ASB3: variants seen among roughly 807,000 people sequenced by gnomAD.
ASB3 encodes the protein ankyrin repeat and SOCS box protein 3.
In ASB3, 41 loss-of-function variants were observed where a neutral mutation model predicts 54.5. The ratio of observed to expected loss-of-function variants is 0.75; its 90% CI spans 0.59 to 0.98. ASB3 has a LOEUF of 0.98. ASB3 is among the 50% of genes least tolerant of loss of function. The probability of loss-of-function intolerance (pLI) is 0.00; values close to 1 mark genes in which losing one functional copy is unlikely to be tolerated. For synonymous variants in ASB3, 266 were observed against 221.2 expected (o/e 1.20, Z -1.80); for missense variants, 733 against 620.0 (o/e 1.18, Z -1.94).
In ASB3 at chr2:53,744,309, G is replaced by A. The variant is rs547127973; in HGVS notation, c.355+6474C>T. ...TGAGGCAGGAGAATGGCATGAACCC[G>A]GGACGCAGAGCTTGCAGTGAGCCGA... On this transcript the variant is annotated intron_variant, in intron 3 of 9. Coordinates refer to ENST00000263634, the MANE Select transcript of ASB3 (RefSeq NM_016115.5). 9.4e-5 allele frequency among the ~76,000 whole-genome samples: 14 copies of A among 149,718 alleles called. No individual in the cohort carries two copies. The East Asian group carries it at 1.8e-3, about 19-fold the overall frequency.
intron 1 of ASB3, among the ~76,000 whole-genome samples, chr2:53,778,016 G>A (rs999945328): frequency 6.6e-6 from 1 of 152,000 alleles, no homozygotes; most frequent in African/African-American, 2.4e-5. Flanking sequence ...AGGTGTGGTG[G>A]CGGGCACCTG....
At chr2:53,702,387 T>C (rs1031585320) in intron 7 of ASB3, among the ~76,000 whole-genome samples, 11 of 152,184 alleles carry the variant, frequency 7.2e-5, no homozygotes, top group African/African-American at 2.4e-4. Flanking sequence ...CAGGGCTCTA[T>C]ATGACCTTGA....
intron 9 of ASB3, among the ~76,000 whole-genome samples, chr2:53,681,481 C>T (rs551920588): frequency 6.6e-6 from 1 of 152,198 alleles, no homozygotes; most frequent in Non-Finnish European, 1.5e-5. Flanking sequence ...CCAATGTTTT[C>T]TTTTAGTAGT....
At chr2:53,677,902 T>A (rs550725171) in intron 9 of ASB3, among the ~76,000 whole-genome samples, 1 of 152,306 alleles carries the variant, frequency 6.6e-6, no homozygotes, top group South Asian at 2.1e-4. Context: ...AAAGTAAAGG[T>A]GAGACTATAT....
intron 5 of ASB3, among the ~76,000 whole-genome samples, chr2:53,717,512 T>C (rs1297594783): frequency 6.6e-6 from 1 of 151,868 alleles, no homozygotes; most frequent in Non-Finnish European, 1.5e-5. Context: ...AACAATAATA[T>C]TATAGTGAAA....
At chr2:53,782,127 T>C (rs958790270) in intron 1 of ASB3, among the ~76,000 whole-genome samples, 1 of 152,140 alleles carries the variant, frequency 6.6e-6, no homozygotes, top group Non-Finnish European at 1.5e-5. Flanking sequence ...CAGTGAGCAG[T>C]GATCATGCAA....
At chr2:53,675,026 A>G (rs1293562100) in intron 9 of ASB3, among the ~76,000 whole-genome samples, 1 of 152,154 alleles carries the variant, frequency 6.6e-6, no homozygotes, top group Non-Finnish European at 1.5e-5. Flanking sequence ...TAGCTGTGTG[A>G]CCCTGGGCAA....
intron 1 of ASB3, among the ~76,000 whole-genome samples, chr2:53,781,910 C>G (rs569304410): frequency 6.6e-6 from 1 of 152,174 alleles, no homozygotes; most frequent in Non-Finnish European, 1.5e-5. Context: ...CAACAGTATG[C>G]CTTGCCCAAT....
intron 1 of ASB3, among the ~76,000 whole-genome samples, chr2:53,780,932 T>C (rs1176883115): frequency 2.0e-5 from 3 of 152,224 alleles, no homozygotes; most frequent in African/African-American, 4.8e-5. Flanking sequence ...ACTAACTATA[T>C]GCTAGATTCT....
At chr2:53,707,972 A>AG (rs1669881274) in intron 7 of ASB3, among the ~76,000 whole-genome samples, 1 of 151,644 alleles carries the variant, frequency 6.6e-6, no homozygotes, top group Admixed American at 6.6e-5. Flanking sequence ...AAAAAAAAAA[A>AG]AAAAAGAAAG....
At chr2:53,714,641 C>T in intron 6 of ASB3, 60 bp from the exon 7 acceptor site, 2 of 1,551,068 alleles carry the variant, frequency 1.3e-6, no homozygotes, top group Non-Finnish European at 1.8e-6. Flanking sequence ...ATGTAGGCAA[C>T]ATTTCTATAG....
intron 2 of ASB3, among the ~76,000 whole-genome samples, chr2:53,758,266 G>A (rs542503575): frequency 6.6e-6 from 1 of 152,238 alleles, no homozygotes; most frequent in Admixed American, 6.5e-5. Context: ...GTAACCCACG[G>A]AAAAAGGCAC....
chr2:53,781,932 C>T (rs377001402), intron 1 of ASB3, among the ~76,000 whole-genome samples: 5 of 152,178 alleles, frequency 3.3e-5, no homozygotes, highest in Admixed American at 6.5e-5. Context: ...TTTTCAACAG[C>T]ATTGATTTAT....
chr2:53,735,247 T>C (rs1671557184), intron 3 of ASB3, among the ~76,000 whole-genome samples: 1 of 152,092 alleles, frequency 6.6e-6, no homozygotes, highest in Non-Finnish European at 1.5e-5. Context: ...AGTGAATTTG[T>C]TCAATTCTGA....
intron 1 of ASB3, among the ~76,000 whole-genome samples, chr2:53,783,869 G>C (rs1674789520): frequency 2.0e-5 from 3 of 152,026 alleles, no homozygotes; most frequent in African/African-American, 7.2e-5. Context: ...CTACAAGGTG[G>C]GAAAAAAATC....
At chr2:53,775,580 A>G (rs990723220) in intron 1 of ASB3, among the ~76,000 whole-genome samples, 1 of 152,282 alleles carries the variant, frequency 6.6e-6, no homozygotes, top group African/African-American at 2.4e-5. Flanking sequence ...GGTTCAAGGA[A>G]TTCTCCTGCC....
chr2:53,772,456 G>A (rs1573015185), intron 1 of ASB3, among the ~76,000 whole-genome samples: 1 of 152,048 alleles, frequency 6.6e-6, no homozygotes, highest in African/African-American at 2.4e-5. Context: ...TTACAGGCAT[G>A]AGCCACCGCG....
intron 5 of ASB3, among the ~76,000 whole-genome samples, chr2:53,724,950 A>C (rs1371184183): frequency 3.3e-5 from 5 of 152,318 alleles, no homozygotes; most frequent in South Asian, 2.1e-4. Flanking sequence ...AAAGAAAATA[A>C]ATCATTCAAC....
intron 1 of ASB3, chr2:53,768,209 C>A: frequency 1.6e-6 from 1 of 637,966 alleles, no homozygotes; most frequent in Non-Finnish European, 2.5e-6. Context: ...CCCGGGCACT[C>A]CTTCCGAAGC....
Sources: gnomAD v4.1 joint callset for allele counts (sites outside exome capture counted in the v4.1 genomes callset) on GRCh38, gnomAD v4.1.1 for gene constraint, MANE v1.5 for transcripts, NCBI Gene and HGNC (gene_info 2026-07-23, HGNC 2026-07-21) for gene names.